Variants in HIVEP3 observed in about 807,000 individuals in gnomAD.
The protein encoded by HIVEP3 is transcription factor HIVEP3.
Under a neutral mutation model 152.8 loss-of-function variants are expected in HIVEP3, and 49 were observed. The ratio of observed to expected loss-of-function variants is 0.32; its 90% CI spans 0.26 to 0.41. HIVEP3 has a LOEUF of 0.41. Ranked by LOEUF, HIVEP3 falls within the 10% of genes least tolerant of loss-of-function variation. The pLI, the probability that HIVEP3 is intolerant of heterozygous loss-of-function variation, is 1.00. For missense variants in HIVEP3, 2,790 were observed against 3,103.3 expected (o/e 0.90, Z 2.40); for synonymous variants, 1,269 against 1,289.0 (o/e 0.98, Z 0.33).
At chr1:41,974,029 A>G (rs1645245593) in intron 1 of HIVEP3, among the ~76,000 whole-genome samples, 1 of 152,172 alleles carries the variant, frequency 6.6e-6, no homozygotes, top group Non-Finnish European at 1.5e-5. Context: ...CTTCAAAGAA[A>G]TGGGGCAGTC....
intron 2 of HIVEP3, among the ~76,000 whole-genome samples, chr1:41,633,962 A>T (rs1200121698): frequency 1.3e-5 from 2 of 152,170 alleles, no homozygotes; most frequent in Non-Finnish European, 2.9e-5. Flanking sequence ...CTTGGAATCA[A>T]ATTGACATTC....
At position 41,997,250 on chromosome 1, in the gene HIVEP3, C is replaced by G. The variant is rs1215520656; in HGVS notation, n.119+38557G>C. Among the ~76,000 whole-genome samples the G allele has an allele frequency of 3.9e-5, 6 of 152,220 alleles. No homozygotes were observed. The East Asian group carries it at 1.2e-3, about 29-fold the overall frequency. ...GATTCTAGAGTAGGGGTCATAGACC[C>G]AACCTCTCAATGGAAGGAGTGCCAA... On this transcript the variant is annotated intron_variant and non_coding_transcript_variant, in intron 1 of 3. Transcript: ENST00000489103.
intron 3 of HIVEP3, among the ~76,000 whole-genome samples, chr1:41,604,893 C>T (rs1024007780): frequency 6.6e-6 from 1 of 151,900 alleles, no homozygotes; most frequent in Non-Finnish European, 1.5e-5. Flanking sequence ...TGCTTGAGCC[C>T]AGGAATTCGA....
At chr1:41,538,219 G>C (rs1643446056) in intron 5 of HIVEP3, among the ~76,000 whole-genome samples, 1 of 152,170 alleles carries the variant, frequency 6.6e-6, no homozygotes, top group African/African-American at 2.4e-5. Flanking sequence ...GTCTCCGCCT[G>C]AGTGCAGTGT....
rs372293560 is a variant in HIVEP3 at position 41,727,359 on chromosome 1, T to C, written c.-800-26364A>G. Among the ~76,000 whole-genome samples the C allele has an allele frequency of 2.6e-5, 4 of 152,126 alleles. No individual in the cohort carries two copies. The East Asian group carries it at 7.7e-4, about 29-fold the overall frequency. Reference sequence around the variant, plus strand: ...AGGGATGAAGCCGGGAGGCAGCCCCTTCCTGTGCCTGACCCCTACCAGCTG... The same window carrying C: ...AGGGATGAAGCCGGGAGGCAGCCCCCTCCTGTGCCTGACCCCTACCAGCTG... On this transcript the variant is annotated intron_variant, in intron 1 of 8. Coordinates refer to ENST00000372583, the MANE Select transcript of HIVEP3 (RefSeq NM_024503.5).
At chr1:41,995,922 T>C (rs900725779) in intron 1 of HIVEP3, among the ~76,000 whole-genome samples, 1 of 152,210 alleles carries the variant, frequency 6.6e-6, no homozygotes, top group Non-Finnish European at 1.5e-5. Flanking sequence ...TGAGATGTTT[T>C]GCCTTGGTTC....
chr1:42,015,342 T>C (rs545222900), intron 1 of HIVEP3, among the ~76,000 whole-genome samples: 2 of 152,302 alleles, frequency 1.3e-5, no homozygotes, highest in East Asian at 3.9e-4. Flanking sequence ...TAAGTCTACA[T>C]TCCAGGGCCT....
chr1:41,738,871 C>A (rs1646955722), intron 1 of HIVEP3, among the ~76,000 whole-genome samples: 1 of 152,236 alleles, frequency 6.6e-6, no homozygotes, highest in Non-Finnish European at 1.5e-5. Context: ...GGAGAGAAAA[C>A]TCCCACATCA....
chr1:41,743,483 G>A (rs1279046538), intron 1 of HIVEP3, among the ~76,000 whole-genome samples: 1 of 152,218 alleles, frequency 6.6e-6, no homozygotes, highest in African/African-American at 2.4e-5. Context: ...GTGAGTAGCT[G>A]TTTGGTGAAA....
chr1:41,916,551 G>A (rs1158991813), intron 1 of HIVEP3, among the ~76,000 whole-genome samples: 1 of 152,144 alleles, frequency 6.6e-6, no homozygotes, highest in East Asian at 1.9e-4. Context: ...CTGCCTGCAG[G>A]TGTCTTAGTT....
intron 5 of HIVEP3, among the ~76,000 whole-genome samples, chr1:41,527,989 C>T (rs1209942470): frequency 6.7e-6 from 1 of 149,016 alleles, no homozygotes; most frequent in Non-Finnish European, 1.5e-5. Flanking sequence ...ACACTCCACA[C>T]TCCCGCACTC....
At chr1:41,658,583 C>T (rs538852186) in intron 2 of HIVEP3, among the ~76,000 whole-genome samples, 5 of 152,186 alleles carry the variant, frequency 3.3e-5, no homozygotes, top group Admixed American at 6.5e-5. Flanking sequence ...TCACCCCCCC[C>T]ATGAGCCTCG....
intron 1 of HIVEP3, among the ~76,000 whole-genome samples, chr1:41,781,158 AC>A (rs1404160778): frequency 3.9e-5 from 6 of 152,118 alleles, no homozygotes. Context: ...TGGATTGAGC[AC>A]CTCTTTGAGC....
intron 2 of HIVEP3, among the ~76,000 whole-genome samples, chr1:41,665,425 C>T (rs532414962): frequency 1.3e-5 from 2 of 152,206 alleles, no homozygotes; most frequent in African/African-American, 4.8e-5. Context: ...GCCCTGGGGG[C>T]CTTCCCACAT....
At chr1:41,920,200 T>A (rs1644929863), upstream of HIVEP3, among the ~76,000 whole-genome samples, 2 of 152,070 alleles carry the variant, frequency 1.3e-5, no homozygotes, top group Non-Finnish European at 2.9e-5. Flanking sequence ...GCAAGCTGGG[T>A]CCATCACTGA....
At chr1:41,856,811 T>C (rs1461938662) in intron 1 of HIVEP3, among the ~76,000 whole-genome samples, 1 of 152,124 alleles carries the variant, frequency 6.6e-6, no homozygotes, top group East Asian at 1.9e-4. Flanking sequence ...GAGCCTGGTG[T>C]GGGACTGACC....
chr1:41,531,155 AGAAGGGAGGACAGGAGC>A (rs552539685), intron 5 of HIVEP3, among the ~76,000 whole-genome samples: 15 of 148,228 alleles, frequency 1.0e-4, no homozygotes, highest in East Asian at 4.1e-4. Context: ...AGGACAGGAG[AGAAGGGAGGACAGGAGC>A]GAAGGGAGGA....
chr1:41,752,612 G>T (rs141574922), intron 1 of HIVEP3, among the ~76,000 whole-genome samples: 2 of 152,182 alleles, frequency 1.3e-5, no homozygotes, highest in African/African-American at 4.8e-5. Flanking sequence ...GAGCATCAGC[G>T]TCATCTGGGA....
chr1:41,980,423 C>A (rs946854923), intron 1 of HIVEP3, among the ~76,000 whole-genome samples: 2 of 152,104 alleles, frequency 1.3e-5, no homozygotes, highest in Non-Finnish European at 2.9e-5. Flanking sequence ...ATGTCAAAGG[C>A]ATTCTACTAA....
Sources: allele counts gnomAD v4.1 joint callset (sites outside exome capture counted in the v4.1 genomes callset), GRCh38; gene constraint gnomAD v4.1.1; transcripts MANE v1.5; gene names NCBI Gene and HGNC (gene_info 2026-07-23, HGNC 2026-07-21).